Variants in SACS observed in about 807,000 individuals in gnomAD.
The protein encoded by SACS is sacsin molecular chaperone.
In SACS, 197 loss-of-function variants were observed where a neutral mutation model predicts 348.0. That is an observed-to-expected ratio of 0.57 (90% CI 0.50 to 0.64). The LOEUF (loss-of-function observed/expected upper bound fraction) is 0.64. Among genes scored for constraint, SACS ranks in the 30% least tolerant of loss-of-function variants. The pLI is 0.00. For missense variants in SACS, 4,999 were observed against 5,360.8 expected (o/e 0.93, Z 2.11); for synonymous variants, 1,985 against 1,910.6 (o/e 1.04, Z -1.02).
chr13:23,381,524 G>T (rs1401119114), intron 2 of SACS, among the ~76,000 whole-genome samples: 1 of 152,016 alleles, frequency 6.6e-6, no homozygotes, highest in African/African-American at 2.4e-5. Context: ...TATACCTTCA[G>T]CAAAAAGGGT....
chr13:23,375,806 T>G lies in SACS; in HGVS notation c.21-537A>C, dbSNP rs925497355. Among the ~76,000 whole-genome samples the G allele has an allele frequency of 2.7e-5, 4 of 148,686 alleles. 1 individual carries two copies. The highest frequency in any genetic ancestry group is 1.3e-4 in the Admixed American group (2 of 14,998). ...CCCGCCCCGCCTGCAGAGGCGCCTC[T>G]GCCAGAAGGCAAACCCAATAAGGGT... On this transcript the variant is annotated intron_variant, in intron 2 of 9. Coordinates refer to ENST00000382292, the MANE Select transcript of SACS (RefSeq NM_014363.6).
At chr13:23,372,883 G>A (rs1871483435) in intron 3 of SACS, among the ~76,000 whole-genome samples, 1 of 152,104 alleles carries the variant, frequency 6.6e-6, no homozygotes, top group Non-Finnish European at 1.5e-5. Context: ...AAAGTCTCTT[G>A]TATATCCTTT....
Position 23,337,182 on chromosome 13 carries a change from T to C in SACS, c.6694A>G (p.Asn2232Asp). The C allele has an allele frequency of 1.2e-6, 2 of 1,614,026 alleles. No individual in the cohort carries two copies. The highest frequency in any genetic ancestry group is 2.2e-5 in the East Asian group (1 of 44,872). Residue 2232 changes from asparagine to aspartate, a missense_variant, in exon 10 of 10, where the codon AAC (asparagine) becomes GAC (aspartate). Asn to Asp is a conservative substitution (Grantham distance 23, BLOSUM62 1). Coordinates refer to ENST00000382292, the MANE Select transcript of SACS (RefSeq NM_014363.6). ...AACATGGTTTCAGGCTTAAAACTGT[T>C]GCCTTTCCAGTCCAAAGAAAAACCT... ...PAGFSLDWKG[N>D]SFKPETMFAA... is the part of the protein sequence containing the mutation.
At chr13:23,420,884 T>G (rs1873911538) in intron 1 of SACS, among the ~76,000 whole-genome samples, 1 of 151,950 alleles carries the variant, frequency 6.6e-6, no homozygotes, top group South Asian at 2.1e-4. Flanking sequence ...ATCAGGGACC[T>G]GTTTTTGACC....
Position 23,334,090 on chromosome 13 carries a change from T to C in SACS, c.9786A>G (p.Glu3262=). The part of the protein sequence containing the change: ...SESVSVKEDQ[E]ETKPTFDIVV... ...CAATGTCAAATGTTGGTTTTGTTTC[T>C]TCCTGATCTTCTTTCACACTTACAG... The change falls in exon 10 of 10, where the codon GAA becomes GAG. Residue 3262 remains glutamate, a synonymous_variant. Coordinates refer to ENST00000382292, the MANE Select transcript of SACS (RefSeq NM_014363.6). 6.2e-7 allele frequency: 1 copy of C among 1,613,756 alleles called. No homozygotes were observed. The highest frequency in any genetic ancestry group is 1.1e-5 in the South Asian group (1 of 91,080).
At position 23,355,430 on chromosome 13, in the gene SACS, CACCA is replaced by C. The variant is rs1566080554; in HGVS notation, c.1178_1181del (p.Leu393CysfsTer17). On this transcript the variant is annotated frameshift_variant, in exon 8 of 10. Transcript: ENST00000382292. LOFTEE classifies it high-confidence loss of function. ...TCCCTCGCCCACCCACACTGTTACA[CACCA>C]ACCAAGATGTTTTCTGTGCATCCTT... 6.2e-7 allele frequency: 1 copy of C among 1,614,182 alleles called. No individual in the cohort carries two copies. Among genetic ancestry groups the C allele is most frequent in the Non-Finnish European group, 8.5e-7 (1 of 1,180,026 alleles).
chr13:23,392,337 A>C (rs902725455), intron 2 of SACS, among the ~76,000 whole-genome samples: 1 of 152,212 alleles, frequency 6.6e-6, no homozygotes, highest in African/African-American at 2.4e-5. Flanking sequence ...TGAAATCAAC[A>C]AAGTGGGATT....
Position 23,333,994 on chromosome 13 carries a change from C to T in SACS, c.9882G>A (p.Val3294=). The change falls in exon 10 of 10, where the codon GTG becomes GTA. Residue 3294 remains valine (V), a synonymous_variant. Coordinates refer to ENST00000382292, the MANE Select transcript of SACS (RefSeq NM_014363.6). ...TKFTVSANQL[V]VPEGDVLLPL... ...GAAGCAGAACATCTCCTTCAGGAAC[C>T]ACAAGCTGGTTGGCTGAAACAGTAA... 1 of 1,613,874 alleles carries T rather than the reference C, an allele frequency of 6.2e-7. No individual in the cohort carries two copies. Among genetic ancestry groups the T allele is most frequent in the Non-Finnish European group, 8.5e-7 (1 of 1,179,836 alleles).
At position 23,375,116 on chromosome 13, in the gene SACS, T is replaced by C. The variant is rs1040671021; in HGVS notation, c.171+3A>G. 7 of 1,492,972 alleles carry C rather than the reference T, an allele frequency of 4.7e-6. No individual in the cohort carries two copies. Among genetic ancestry groups the C allele is most frequent in the Non-Finnish European group, 6.2e-6 (7 of 1,121,708 alleles). The allele number at this position is 1,492,972 out of a possible 1,614,324, so 92.5% of individuals were successfully genotyped here. A position where few individuals can be genotyped will look rare whatever the true frequency, so the allele number is the denominator to read the frequency against. ...CAGCCCAGCGCCCCCGGCCACCGCC[T>C]ACCTCGCGGCCGCCGCGCCACAGCC... On this transcript the variant is annotated splice_donor_region_variant and intron_variant, in intron 3 of 9. Coordinates refer to ENST00000382292, the MANE Select transcript of SACS (RefSeq NM_014363.6).
In SACS at chr13:23,354,630, C is replaced by T. The variant is rs1167431050; in HGVS notation, c.1982G>A (p.Ser661Asn). Residue 661 changes from serine to asparagine, a missense_variant, in exon 8 of 10, where the codon AGT becomes AAT. Around this residue, in one of 6 missense-constraint regions of SACS, gnomAD observed 3,156 missense variants for 3,380.1 expected, o/e 0.93. Transcript: ENST00000382292. The stretch of plus-strand genomic sequence containing the variant: ...GAGCAGCTCCAGCCCAAGCAGCTCA[C>T]TGTAGGCTTGGTCAGAAAGCACAAA... ...LEFVLSDQAYSELLGLELLPL... is the reference protein window; with the variant it reads ...LEFVLSDQAYNELLGLELLPL... The T allele has an allele frequency of 1.9e-6, 3 of 1,614,116 alleles. No individual in the cohort carries two copies. In the African/African-American group the frequency reaches 4.0e-5, roughly 22 times the overall value.
At chr13:23,431,776 G>A (rs888066057) in intron 1 of SACS, among the ~76,000 whole-genome samples, 4 of 152,214 alleles carry the variant, frequency 2.6e-5, no homozygotes, top group African/African-American at 7.2e-5. Flanking sequence ...ACAGTGTTTC[G>A]TGCATAGCAA....
chr13:23,363,516 G>A (rs531770858), intron 6 of SACS, among the ~76,000 whole-genome samples: 52 of 152,268 alleles, frequency 3.4e-4, no homozygotes, highest in Non-Finnish European at 5.3e-4. Flanking sequence ...GTGAGCCACC[G>A]CACCCAGCCC....
At chr13:23,418,512 C>CT (rs72324383) in intron 1 of SACS, among the ~76,000 whole-genome samples, 48,976 of 151,708 alleles carry the variant, frequency 0.32, 8,542 homozygotes, top group East Asian at 0.48. Context: ...GCACCCATTT[C>CT]TTTTTTTTAC....
At chr13:23,405,316 T>G (rs1448227030) in intron 2 of SACS, among the ~76,000 whole-genome samples, 1 of 152,172 alleles carries the variant, frequency 6.6e-6, no homozygotes, top group African/African-American at 2.4e-5. Context: ...GGGGAAAAGA[T>G]TCCCTACTTA....
In SACS at chr13:23,332,273, T is replaced by A; in HGVS notation, c.11603A>T (p.Gln3868Leu). 6.2e-7 allele frequency: 1 copy of A among 1,613,984 alleles called. No homozygotes were observed. Among genetic ancestry groups the A allele is most frequent in the Non-Finnish European group, 8.5e-7 (1 of 1,179,928 alleles). ...TGTACGCATTTCATTAGGATCTAAT[T>A]GTTTGCCCTCAGAATTTTTAAATAT... ...SRIFKNSEGK[Q>L]LDPNEMRTVK... The change falls in exon 10 of 10, where the codon CAA becomes CTA. Residue 3868 changes from glutamine (Q) to leucine (L), a missense_variant. Gln to Leu is a moderately radical substitution (Grantham distance 113). Around this residue, in one of 6 missense-constraint regions of SACS, gnomAD observed 831 missense variants for 941.8 expected, o/e 0.88. Transcript: ENST00000382292.
rs774687312 is a variant in SACS at position 23,355,430 on chromosome 13, C to T, written c.1182G>A (p.Val394=). 1 of 1,614,064 alleles carries T rather than the reference C, an allele frequency of 6.2e-7. No homozygotes were observed. The change falls in exon 8 of 10, where the codon GTG becomes GTA. Residue 394 remains valine, a synonymous_variant. Transcript: ENST00000382292. Reference sequence around the variant, plus strand: ...TCCCTCGCCCACCCACACTGTTACACACCAACCAAGATGTTTTCTGTGCAT... The same window carrying T: ...TCCCTCGCCCACCCACACTGTTACATACCAACCAAGATGTTTTCTGTGCAT... ...TKDAQKTSWL[V]CNSVGGRGIS... is the part of the protein sequence containing the mutation.
In SACS at chr13:23,336,168, G is replaced by A; in HGVS notation, c.7708C>T (p.His2570Tyr). ...TCATCAAATATTCTATCAACTGGATGCTGTCTAGGATCAAACACAAAACAG... is the reference window on the plus strand; with the variant it reads ...TCATCAAATATTCTATCAACTGGATACTGTCTAGGATCAAACACAAAACAG... ...EICFVFDPRQ[H>Y]PVDRIFDDKW... Residue 2570 changes from histidine to tyrosine, a missense_variant, in exon 10 of 10, where the codon CAT becomes TAT. Coordinates refer to ENST00000382292, the MANE Select transcript of SACS (RefSeq NM_014363.6). 1.2e-6 allele frequency: 2 copies of A among 1,613,900 alleles called. No homozygotes were observed. The highest frequency in any genetic ancestry group is 1.7e-6 in the Non-Finnish European group (2 of 1,179,850).
chr13:23,335,991 C>A lies in SACS; in HGVS notation c.7885G>T (p.Val2629Leu). ...GATGGGCAGTCTGTGATATGATACACAGAATTGAATCCTATTCCATACTGT... is the reference window on the plus strand; with the variant it reads ...GATGGGCAGTCTGTGATATGATACAAAGAATTGAATCCTATTCCATACTGT... ...TGQYGIGFNS[V>L]YHITDCPSFI... The change falls in exon 10 of 10, where the codon GTG (valine) becomes TTG (leucine). Residue 2629 changes from valine to leucine, a missense_variant. Around this residue, in one of 6 missense-constraint regions of SACS, gnomAD observed 3,156 missense variants for 3,380.1 expected, o/e 0.93. Coordinates refer to ENST00000382292, the MANE Select transcript of SACS (RefSeq NM_014363.6). This position sits in a 1 kb window ranked among gnomAD's most constrained non-coding sequence, Gnocchi z 4.7. 6.2e-7 allele frequency: 1 copy of A among 1,613,004 alleles called. No homozygotes were observed. Among genetic ancestry groups the A allele is most frequent in the Non-Finnish European group, 8.5e-7 (1 of 1,179,048 alleles).
Position 23,331,743 on chromosome 13 carries a change from A to G in SACS, c.12133T>C (p.Leu4045=), listed in dbSNP as rs545028704. The G allele has an allele frequency of 5.6e-6, 9 of 1,613,968 alleles. No individual in the cohort carries two copies. The highest frequency in any genetic ancestry group is 5.3e-5 in the African/African-American group (4 of 75,024). The part of the protein sequence containing the change: ...IRLCKALREG[L]KVSCFEKLQT... ...AGCTTTTCAAAGCAGGATACTTTCA[A>G]TCCTTCTCTTAGGGCTTTGCAAAGT... The change falls in exon 10 of 10, where the codon TTG becomes CTG. Residue 4045 remains leucine (L), a synonymous_variant. Coordinates refer to ENST00000382292, the MANE Select transcript of SACS (RefSeq NM_014363.6).
Sources: allele counts gnomAD v4.1 joint callset (sites outside exome capture counted in the v4.1 genomes callset), GRCh38; gene constraint gnomAD v4.1.1; regional missense constraint gnomAD v4.1.1; non-coding constraint Gnocchi (gnomAD v3.1); transcripts MANE v1.5; gene names NCBI Gene and HGNC (gene_info 2026-07-23, HGNC 2026-07-21).